The following FLYWCH1 variants were observed in gnomAD, a reference collection of about 807,000 sequenced individuals.
The protein encoded by FLYWCH1 is FLYWCH-type zinc finger-containing protein 1.
FLYWCH1 carries 75 observed loss-of-function variants against 66.4 expected under a neutral mutation model. The observed-to-expected ratio is 1.13, with a 90% CI of 0.94 to 1.37. The LOEUF (loss-of-function observed/expected upper bound fraction) is 1.37. Ranked by LOEUF, FLYWCH1 falls within the 40% of genes most tolerant of loss-of-function variation. The pLI is 0.00. For synonymous variants in FLYWCH1, 595 were observed against 429.9 expected, an observed-to-expected ratio of 1.38 and a Z score of -4.75; for missense variants, 1,334 against 1,001.8, an observed-to-expected ratio of 1.33 and a Z score of -4.48.
chr16:2,916,980 TAAAAAAAAAA>T (rs56875032), intron 2 of FLYWCH1, among the ~76,000 whole-genome samples: 1 of 135,912 alleles, frequency 7.4e-6, no homozygotes, highest in African/African-American at 2.7e-5. Context: ...CCATCTCTAG[TAAAAAAAAAA>T]AAAAAAATAA....
Position 2,930,831 on chromosome 16 carries a change from C to T in FLYWCH1, c.747C>T (p.Ala249=), listed in dbSNP as rs1412323564. 6.2e-7 allele frequency: 1 copy of T among 1,603,032 alleles called. No individual in the cohort carries two copies. The highest frequency in any genetic ancestry group is 8.5e-7 in the Non-Finnish European group (1 of 1,178,030). ...TGGAGGAGGAGGAGGCACCCCGAGC[C>T]CTGTCACTGCTGAGCCTGCCGCCCA... ...PALEEEEAPR[A]LSLLSLPPKK... is the part of the protein sequence containing the mutation. The change falls in exon 4 of 10, where the codon GCC becomes GCT. Residue 249 remains alanine (A), a synonymous_variant. Coordinates refer to ENST00000253928, the MANE Select transcript of FLYWCH1 (RefSeq NM_001308068.2).
intron 2 of FLYWCH1, among the ~76,000 whole-genome samples, chr16:2,921,281 T>A: frequency 6.6e-6 from 1 of 150,398 alleles, no homozygotes; most frequent in East Asian, 1.9e-4. Flanking sequence ...TAGGACTTTT[T>A]AAGTCTACAA....
At position 2,933,384 on chromosome 16, in the gene FLYWCH1, C is replaced by G. The variant is rs1160209420; in HGVS notation, c.1051C>G (p.Leu351Val). Residue 351 changes from leucine to valine, a missense_variant, in exon 5 of 10, where the codon CTG (leucine) becomes GTG (valine). Coordinates refer to ENST00000253928, the MANE Select transcript of FLYWCH1 (RefSeq NM_001308068.2). ...RRQQEKAVET[L>V]QAGQDGPGSQ... Reference sequence around the variant, plus strand: ...GCAGCAGGAGAAGGCCGTGGAGACGCTGCAGGCTGGGCAGGACGGCCCTGG... The same window carrying G: ...GCAGCAGGAGAAGGCCGTGGAGACGGTGCAGGCTGGGCAGGACGGCCCTGG... 9 of 1,602,880 alleles carry G rather than the reference C, an allele frequency of 5.6e-6. No homozygotes were observed. Among genetic ancestry groups the G allele is most frequent in the African/African-American group, 1.3e-5 (1 of 74,662 alleles).
chr16:2,932,012 G>A (rs1019228223), intron 4 of FLYWCH1, among the ~76,000 whole-genome samples: 2 of 151,980 alleles, frequency 1.3e-5, no homozygotes, highest in Non-Finnish European at 2.9e-5. Context: ...CAGCTACTCG[G>A]GAGGCTGAGG....
At chr16:2,917,635 A>C (rs1415083898) in intron 2 of FLYWCH1, among the ~76,000 whole-genome samples, 1 of 152,138 alleles carries the variant, frequency 6.6e-6, no homozygotes, top group Non-Finnish European at 1.5e-5. Context: ...AGCACAAAGC[A>C]AACCTCAGGT....
rs747123635 is a variant in FLYWCH1 at position 2,938,331 on chromosome 16, G to A, written c.1925G>A (p.Arg642His). 4.7e-5 allele frequency: 76 copies of A among 1,607,224 alleles called. No individual in the cohort carries two copies. The highest frequency in any genetic ancestry group is 3.7e-4 in the Admixed American group (22 of 59,492). Residue 642 changes from arginine to histidine, a missense_variant, in exon 8 of 10, where the codon CGC becomes CAC. Physicochemically the swap from Arg to His is conservative, Grantham distance 29. Coordinates refer to ENST00000253928, the MANE Select transcript of FLYWCH1 (RefSeq NM_001308068.2). ...RDQARLGCRS[R>H]AITQGHRIMV... ...CAGGCTCGGCTGGGCTGCCGCAGCC[G>A]CGCCATAACCCAGGGCCACCGCATC...
rs114521142 is a variant in FLYWCH1 at position 2,924,339 on chromosome 16, A to G, written c.-73-5274A>G. Among the ~76,000 whole-genome samples, 435 of 152,144 alleles carry G rather than the reference A, an allele frequency of 2.9e-3. 3 individuals carry two copies. Among genetic ancestry groups the G allele is most frequent in the African/African-American group, 0.01 (421 of 41,540 alleles). The stretch of plus-strand genomic sequence containing the variant: ...GAGCGAGACTCCATCTCAAAAAAAA[A>G]AAAAAAGTAAAAAGCCAGAACCCAC... On this transcript the variant is annotated intron_variant, in intron 2 of 9. Coordinates refer to ENST00000253928, the MANE Select transcript of FLYWCH1 (RefSeq NM_001308068.2).
At chr16:2,935,024 A>G (rs2070940366) in intron 6 of FLYWCH1, 1 of 155,598 alleles carries the variant, frequency 6.4e-6, no homozygotes, top group Non-Finnish European at 1.4e-5. Context: ...CCCGGGTTCA[A>G]GCAATTCTCC....
Position 2,939,978 on chromosome 16 carries a change from C to G in FLYWCH1, c.2051-54C>G. 5 of 1,548,238 alleles carry G rather than the reference C, an allele frequency of 3.2e-6. No homozygotes were observed. In the South Asian group the frequency reaches 3.6e-5, roughly 11 times the overall value. On this transcript the variant is annotated intron_variant, in intron 8 of 9. Transcript: ENST00000253928. ...ACAAGGTGTGTGTCCTTGGTTCTGTCAGCTTCAACAAGAGAAGAATTATTA... is the reference window on the plus strand; with the variant it reads ...ACAAGGTGTGTGTCCTTGGTTCTGTGAGCTTCAACAAGAGAAGAATTATTA...
chr16:2,946,710 C>G (rs2071501176), intron 9 of FLYWCH1, among the ~76,000 whole-genome samples: 1 of 152,164 alleles, frequency 6.6e-6, no homozygotes, highest in Admixed American at 6.6e-5. Flanking sequence ...GATTTGATTT[C>G]TGCCATGAAT....
chr16:2,944,860 T>G (rs2071415933), intron 9 of FLYWCH1, among the ~76,000 whole-genome samples: 1 of 151,760 alleles, frequency 6.6e-6, no homozygotes, highest in African/African-American at 2.4e-5. Flanking sequence ...TAAAACGGCC[T>G]CAGGCAGGTC....
chr16:2,945,289 C>T (rs931481499), intron 9 of FLYWCH1, among the ~76,000 whole-genome samples: 6 of 151,788 alleles, frequency 4.0e-5, no homozygotes, highest in South Asian at 2.1e-4. Context: ...AGATCAAGAC[C>T]GTCCGGGCTA....
rs1001048887 is a variant in FLYWCH1, at chr16:2,918,949, CT to C, written c.-74+4669del. On this transcript the variant is annotated intron_variant, in intron 2 of 9. Coordinates refer to ENST00000253928, the MANE Select transcript of FLYWCH1 (RefSeq NM_001308068.2). ...GAATTTGTTAATTGGATTTTGCTTT[CT>C]TTTTTTTTCTTTTTTGAGGCAGAGT... Among the ~76,000 whole-genome samples, 14 of 151,390 alleles carry C rather than the reference CT, an allele frequency of 9.2e-5. No homozygotes were observed. In the East Asian group the frequency reaches 2.1e-3, roughly 23 times the overall value.
chr16:2,942,116 A>G (rs1052785036), intron 9 of FLYWCH1, among the ~76,000 whole-genome samples: 7 of 152,234 alleles, frequency 4.6e-5, no homozygotes, highest in Non-Finnish European at 7.4e-5. Context: ...AGCTCTATCT[A>G]CAGATCAAAA....
intron 9 of FLYWCH1, among the ~76,000 whole-genome samples, chr16:2,940,669 T>TCA (rs1023348502): frequency 6.6e-5 from 10 of 152,124 alleles, no homozygotes; most frequent in African/African-American, 2.4e-4. Flanking sequence ...ACTTCTGACC[T>TCA]CAAATGATCC....
At chr16:2,934,786 C>G (rs552896109) in intron 6 of FLYWCH1, 1 of 381,946 alleles carries the variant, frequency 2.6e-6, no homozygotes, top group South Asian at 1.9e-5. Flanking sequence ...CTCACCCCCG[C>G]TCCTGACCCC....
chr16:2,919,270 CTTTT>C (rs1243181807), intron 2 of FLYWCH1, among the ~76,000 whole-genome samples: 1 of 136,694 alleles, frequency 7.3e-6, no homozygotes. Flanking sequence ...TTTTTTGTTT[CTTTT>C]TTTTTTTTTG....
chr16:2,924,609 C>T (rs548100284), intron 2 of FLYWCH1, among the ~76,000 whole-genome samples: 15 of 152,252 alleles, frequency 9.9e-5, no homozygotes, highest in African/African-American at 3.1e-4. Flanking sequence ...GGCCCTGGCC[C>T]GTGAGGCGTG....
At chr16:2,947,098 C>T (rs1164175897) in intron 9 of FLYWCH1, among the ~76,000 whole-genome samples, 2 of 152,090 alleles carry the variant, frequency 1.3e-5, no homozygotes, top group Non-Finnish European at 1.5e-5. Context: ...CCAAAATGTC[C>T]ATCAATGAAT....
Sources: allele counts gnomAD v4.1 joint callset (sites outside exome capture counted in the v4.1 genomes callset), GRCh38; gene constraint gnomAD v4.1.1; transcripts MANE v1.5; gene names NCBI Gene and HGNC (gene_info 2026-07-23, HGNC 2026-07-21).